The following PARP14 variants were observed in gnomAD, a reference collection of about 807,000 sequenced individuals.
The protein encoded by PARP14 is poly(ADP-ribose) polymerase family member 14.
A neutral mutation model predicts 154.2 loss-of-function variants in PARP14; 59 were observed. That is an observed-to-expected ratio of 0.38 (90% confidence interval 0.31 to 0.48). The LOEUF (loss-of-function observed/expected upper bound fraction) is 0.48, where lower values mean the gene tolerates loss of function less well. Among genes scored for constraint, PARP14 ranks in the 20% least tolerant of loss-of-function variants. The pLI is 0.98. For synonymous variants in PARP14, 720 were observed against 780.5 expected (o/e 0.92, Z 1.29); for missense variants, 1,734 against 2,131.6 (o/e 0.81, Z 3.67).
Position 122,692,502 on chromosome 3 carries a change from G to C in PARP14, c.557G>C (p.Arg186Thr). Residue 186 changes from arginine to threonine, a missense_variant, in exon 4 of 17, where the codon AGA becomes ACA. Physicochemically the swap from Arg to Thr is moderately conservative, Grantham distance 71 (BLOSUM62 -1). Transcript: ENST00000474629. Reference sequence around the variant, plus strand: ...GATGACTTTCAAGTGGAAATAATAAGAGATTTTGATGTTGCTGTTGTTACC... The same window carrying C: ...GATGACTTTCAAGTGGAAATAATAACAGATTTTGATGTTGCTGTTGTTACC... ...SNDDFQVEII[R>T]DFDVAVVTFQ... The C allele has an allele frequency of 6.2e-7, 1 of 1,612,808 alleles. No individual in the cohort carries two copies.
chr3:122,708,928 T>C (rs909425733), intron 9 of PARP14, among the ~76,000 whole-genome samples: 1 of 152,216 alleles, frequency 6.6e-6, no homozygotes, highest in Non-Finnish European at 1.5e-5. Context: ...CTCTATGCTA[T>C]TGAGCCCATC....
intron 15 of PARP14, among the ~76,000 whole-genome samples, chr3:122,725,698 G>A (rs1005400479): frequency 5.3e-5 from 8 of 151,986 alleles, no homozygotes; most frequent in African/African-American, 1.9e-4. Context: ...TCTCTTGATA[G>A]CAACATATAC....
chr3:122,710,275 T>G (rs1939282592), intron 9 of PARP14, among the ~76,000 whole-genome samples: 2 of 152,190 alleles, frequency 1.3e-5, no homozygotes, highest in African/African-American at 4.8e-5. Flanking sequence ...CTTCTACATG[T>G]GGCTTGCCAG....
rs912061780 is a variant in PARP14 at position 122,692,197 on chromosome 3, G to A, written c.356-104G>A. 20 of 868,762 alleles carry A rather than the reference G, an allele frequency of 2.3e-5. No homozygotes were observed. In the African/African-American group the frequency reaches 3.0e-4, roughly 13 times the overall value. 53.8% of individuals were successfully genotyped at this position (868,762 alleles called of 1,614,324 possible). A position where few individuals can be genotyped will look rare whatever the true frequency, so the allele number is the denominator to read the frequency against. On this transcript the variant is annotated intron_variant, in intron 3 of 16. Transcript: ENST00000474629. ...GTCTGTTATTCTGTGAGTTAGCCAAGAGATTGGCAAGGAGAGAGGGCAGTG... is the reference window on the plus strand; with the variant it reads ...GTCTGTTATTCTGTGAGTTAGCCAAAAGATTGGCAAGGAGAGAGGGCAGTG...
Position 122,684,022 on chromosome 3 carries a change from G to C in PARP14, c.188-1163G>C, listed in dbSNP as rs566778291. Among the ~76,000 whole-genome samples, 143 of 152,270 alleles carry C rather than the reference G, an allele frequency of 9.4e-4. 2 individuals are homozygous for C. Among genetic ancestry groups the C allele is most frequent in the Non-Finnish European group, 1.6e-3 (110 of 68,006 alleles). The stretch of plus-strand genomic sequence containing the variant: ...TCATAAAGAGTGAGATTAGAAGCTG[G>C]CGTTCCTTCTCAGGTTGTTTCTGAG... On this transcript the variant is annotated intron_variant, in intron 1 of 16. Coordinates refer to ENST00000474629, the MANE Select transcript of PARP14 (RefSeq NM_017554.3).
intron 9 of PARP14, among the ~76,000 whole-genome samples, chr3:122,708,768 T>C (rs1939235834): frequency 6.6e-6 from 1 of 152,210 alleles, no homozygotes; most frequent in Admixed American, 6.5e-5. Context: ...ACTGTGGTGC[T>C]AAGCCTTTTG....
chr3:122,715,646 CT>C (rs1390459847), intron 12 of PARP14, among the ~76,000 whole-genome samples: 9 of 149,336 alleles, frequency 6.0e-5, no homozygotes, highest in Non-Finnish European at 1.0e-4. Context: ...ATCTATCTAT[CT>C]ATCTATCGAT....
chr3:122,727,741 C>T (rs560164472), intron 15 of PARP14, 71 bp from the exon 16 acceptor site: 17 of 877,130 alleles, frequency 1.9e-5, no homozygotes, highest in African/African-American at 1.4e-4. Context: ...ACATAGTGAT[C>T]ATGTTTCATT....
chr3:122,701,529 C>T lies in PARP14; in HGVS notation c.2975C>T (p.Pro992Leu). 1 of 1,612,790 alleles carries T rather than the reference C, an allele frequency of 6.2e-7. No individual in the cohort carries two copies. Among genetic ancestry groups the T allele is most frequent in the Non-Finnish European group, 8.5e-7 (1 of 1,179,274 alleles). ...LPDTAAPPGLPPAAAGPGKTS... is the reference protein window; with the variant it reads ...LPDTAAPPGLLPAAAGPGKTS... Reference sequence around the variant, plus strand: ...GATACAGCTGCCCCGCCAGGTTTACCACCAGCAGCAGCGGGGCCTGGGAAA... The same window carrying T: ...GATACAGCTGCCCCGCCAGGTTTACTACCAGCAGCAGCGGGGCCTGGGAAA... Residue 992 changes from proline to leucine, a missense_variant, in exon 6 of 17, where the codon CCA (proline) becomes CTA (leucine). Physicochemically the swap from Pro to Leu is moderately conservative, Grantham distance 98. Transcript: ENST00000474629. This position sits in a 1 kb window ranked among gnomAD's most constrained non-coding sequence, Gnocchi z 4.0.
Position 122,704,592 on chromosome 3 carries a change from A to G in PARP14, c.3384A>G (p.Ala1128=), listed in dbSNP as rs376846804. ...AGAGCTTGTCCTTAAAATCAATTGCATTTCCAGCAATAGGAACAGGAAACT... is the reference window on the plus strand; with the variant it reads ...AGAGCTTGTCCTTAAAATCAATTGCGTTTCCAGCAATAGGAACAGGAAACT... ...ITESLSLKSI[A]FPAIGTGNLG... is the part of the protein sequence containing the mutation. The change falls in exon 8 of 17, where the codon GCA becomes GCG. Residue 1128 remains alanine, a synonymous_variant. Coordinates refer to ENST00000474629, the MANE Select transcript of PARP14 (RefSeq NM_017554.3). 4.4e-5 allele frequency: 70 copies of G among 1,608,482 alleles called. No individual in the cohort carries two copies. The highest frequency in any genetic ancestry group is 2.0e-4 in the Admixed American group (12 of 59,406).
chr3:122,701,356 G>A lies in PARP14; in HGVS notation c.2802G>A (p.Val934=). 6.2e-7 allele frequency: 1 copy of A among 1,614,052 alleles called. No individual in the cohort carries two copies. Among genetic ancestry groups the A allele is most frequent in the Non-Finnish European group, 8.5e-7 (1 of 1,179,896 alleles). The stretch of plus-strand genomic sequence containing the variant: ...TTGGCTTTCCCTTAGGCCGATGCGT[G>A]GAGACCATTGTTTCTGCCATCAAGG... ...GVFGFPLGRC[V]ETIVSAIKEN... is the part of the protein sequence containing the mutation. Residue 934 remains valine, a synonymous_variant, in exon 6 of 17, where the codon GTG becomes GTA. Transcript: ENST00000474629. This position sits in a 1 kb window ranked among gnomAD's most constrained non-coding sequence, Gnocchi z 4.0.
chr3:122,687,416 T>C (rs1192168106), intron 3 of PARP14, among the ~76,000 whole-genome samples: 1 of 152,196 alleles, frequency 6.6e-6, no homozygotes. Context: ...TTTCCACTTG[T>C]GCTGAGCCAG....
chr3:122,712,240 C>CTTTTTTTTTT (rs55876947), intron 9 of PARP14, among the ~76,000 whole-genome samples: 5 of 138,358 alleles, frequency 3.6e-5, no homozygotes, highest in Non-Finnish European at 4.8e-5. Context: ...GGATTCACAT[C>CTTTTTTTTTT]TTTTTTTTTT....
At chr3:122,726,773 A>G (rs777486336) in intron 15 of PARP14, among the ~76,000 whole-genome samples, 78 of 152,226 alleles carry the variant, frequency 5.1e-4, no homozygotes, top group Middle Eastern at 3.4e-3. Flanking sequence ...AATTATTTCA[A>G]AACTCAAAAA....
chr3:122,697,152 C>T (rs1938805105), intron 5 of PARP14, among the ~76,000 whole-genome samples: 1 of 152,094 alleles, frequency 6.6e-6, no homozygotes, highest in South Asian at 2.1e-4. Context: ...TGGAGTTTCG[C>T]CATGTTTCCC....
intron 3 of PARP14, among the ~76,000 whole-genome samples, chr3:122,691,041 A>G (rs1938524856): frequency 6.6e-6 from 1 of 152,232 alleles, no homozygotes; most frequent in Admixed American, 6.5e-5. Flanking sequence ...ACTTCCACCC[A>G]TATTCCATTA....
At position 122,717,215 on chromosome 3, in the gene PARP14, A is replaced by G. The variant is rs113866388; in HGVS notation, c.4001-856A>G. On this transcript the variant is annotated intron_variant, in intron 12 of 16. Transcript: ENST00000474629. ...AATAGTGGTGGGTACCATCAACAAC[A>G]ATTAGCCAGGTGGGCTCTTAGTCTG... 3.2e-3 allele frequency among the ~76,000 whole-genome samples: 481 copies of G among 152,306 alleles called. 4 individuals carry two copies. The highest frequency in any genetic ancestry group is 9.9e-3 in the African/African-American group (410 of 41,570).
At chr3:122,724,645 A>ATTTTT (rs869132094) in intron 15 of PARP14, among the ~76,000 whole-genome samples, 3 of 138,950 alleles carry the variant, frequency 2.2e-5, no homozygotes, top group African/African-American at 8.0e-5. Context: ...TGAAAAAAAA[A>ATTTTT]TTTTTTTTTT....
Position 122,710,791 on chromosome 3 carries a change from T to TTTTATTTATTTA in PARP14, c.3619+2563_3619+2574dup, listed in dbSNP as rs59634432. ...CCTTGGTTAAGTATATTCCTAGGTATTTTATTTATTTATTTATTTATTTAT... is the reference window on the plus strand; with the variant it reads ...CCTTGGTTAAGTATATTCCTAGGTATTTTATTTATTTATTTATTTATTTATTTATTTATTTAT... On this transcript the variant is annotated intron_variant, in intron 9 of 16. Coordinates refer to ENST00000474629, the MANE Select transcript of PARP14 (RefSeq NM_017554.3). Among the ~76,000 whole-genome samples the TTTTATTTATTTA allele has an allele frequency of 7.9e-5, 11 of 140,084 alleles. No homozygotes were observed. In the East Asian group the frequency reaches 8.4e-4, roughly 11 times the overall value. 91.9% of individuals were successfully genotyped at this position (140,084 alleles called of 152,430 possible).
Sources: gnomAD v4.1 joint callset for allele counts (sites outside exome capture counted in the v4.1 genomes callset) on GRCh38, gnomAD v4.1.1 for gene constraint, Gnocchi (gnomAD v3.1) non-coding constraint, MANE v1.5 for transcripts, NCBI Gene and HGNC (gene_info 2026-07-23, HGNC 2026-07-21) for gene names.